The following RP1 variants were observed in gnomAD, a reference collection of about 807,000 sequenced individuals.
RP1 encodes oxygen-regulated protein 1.
A neutral mutation model predicts 14.8 loss-of-function variants in RP1; 16 were observed. The observed-to-expected ratio is 1.08, with a 90% CI of 0.73 to 1.65. RP1 has a LOEUF of 1.65. Ranked by LOEUF, RP1 falls within the 40% of genes most tolerant of loss-of-function variation. RP1 has a pLI of 0.00. For synonymous variants in RP1, 876 were observed against 883.6 expected (o/e 0.99, Z 0.15); for missense variants, 2,631 against 2,535.0 (o/e 1.04, Z -0.81).
At chr8:54,726,254 A>C (rs74889243) in intron 16 of RP1, 23,123 of 1,366,858 alleles carry the variant, frequency 0.017, 319 homozygotes, top group African/African-American at 0.066. Flanking sequence ...AATAGCAAAA[A>C]TTAAACTTGC....
At chr8:54,763,453 G>A (rs181741153) in intron 22 of RP1, among the ~76,000 whole-genome samples, 2 of 152,296 alleles carry the variant, frequency 1.3e-5, no homozygotes, top group East Asian at 3.9e-4. Flanking sequence ...TTTAAATGCA[G>A]AAATCAATCA....
intron 3 of RP1, among the ~76,000 whole-genome samples, chr8:54,639,628 A>C (rs957859110): frequency 2.3e-4 from 35 of 152,114 alleles, no homozygotes; most frequent in Non-Finnish European, 4.7e-4. Context: ...TTCTGCATTT[A>C]ATTTGCATTT....
intron 15 of RP1, among the ~76,000 whole-genome samples, chr8:54,717,029 G>A (rs370851977): frequency 5.3e-5 from 8 of 152,012 alleles, no homozygotes; most frequent in East Asian, 1.9e-4. Context: ...TTTCAGAATC[G>A]GATGCACCTC....
Position 54,627,772 on chromosome 8 carries a change from G to C in RP1, c.3890G>C (p.Cys1297Ser). ...GVDQTSMNKA[C>S]FLGEVCSLTD... ...GATCAGACTTCTATGAATAAGGCTT[G>C]TTTCCTAGGAGAGGTCTGTTCACTT... is the stretch of plus-strand genomic sequence containing the variant. The change falls in exon 4 of 4, where the codon TGT becomes TCT. Residue 1297 changes from cysteine (C) to serine (S), a missense_variant. Coordinates refer to ENST00000220676, the MANE Select transcript of RP1 (RefSeq NM_006269.2). 1 of 1,614,066 alleles carries C rather than the reference G, an allele frequency of 6.2e-7. No homozygotes were observed. Among genetic ancestry groups the C allele is most frequent in the Non-Finnish European group, 8.5e-7 (1 of 1,179,960 alleles).
downstream of RP1, among the ~76,000 whole-genome samples, chr8:54,635,725 A>C (rs1806333806): frequency 6.6e-6 from 1 of 152,108 alleles, no homozygotes; most frequent in Non-Finnish European, 1.5e-5. Flanking sequence ...TTGACCCAAA[A>C]CCCAACACAC....
intron 1 of RP1, among the ~76,000 whole-genome samples, chr8:54,590,695 C>A (rs1426898228): frequency 6.6e-6 from 1 of 152,142 alleles, no homozygotes; most frequent in East Asian, 1.9e-4. Context: ...GTCCCTCCCC[C>A]ACCATATTTA....
intron 24 of RP1, among the ~76,000 whole-genome samples, chr8:54,788,214 G>A (rs1810374313): frequency 6.6e-6 from 1 of 152,172 alleles, no homozygotes; most frequent in Admixed American, 6.5e-5. Context: ...GCAGGCTGGA[G>A]TAGGAGGAAG....
chr8:54,792,774 T>C (rs1286914160), intron 24 of RP1, among the ~76,000 whole-genome samples: 1 of 151,616 alleles, frequency 6.6e-6, no homozygotes, highest in Non-Finnish European at 1.5e-5. Flanking sequence ...ACTATACACT[T>C]CGAGGAATCA....
intron 1 of RP1, among the ~76,000 whole-genome samples, chr8:54,586,386 G>A (rs1156763241): frequency 6.6e-6 from 1 of 152,220 alleles, no homozygotes; most frequent in Non-Finnish European, 1.5e-5. Flanking sequence ...ACCAGGCCGT[G>A]TGAGGTGTCA....
At chr8:54,726,521 A>G in intron 17 of RP1, 2 of 1,500,214 alleles carry the variant, frequency 1.3e-6, no homozygotes, top group Non-Finnish European at 8.8e-7. Context: ...TGTTTGCTGC[A>G]TTATTTCTTC....
intron 25 of RP1, among the ~76,000 whole-genome samples, chr8:54,838,485 TTGAG>T (rs1386549025): frequency 1.3e-5 from 2 of 152,120 alleles, no homozygotes; most frequent in East Asian, 3.9e-4. Flanking sequence ...ATGCGAGTGT[TTGAG>T]TGTATGTGCA....
chr8:54,694,304 G>C (rs995689494), intron 12 of RP1, among the ~76,000 whole-genome samples: 2 of 152,110 alleles, frequency 1.3e-5, no homozygotes, highest in Non-Finnish European at 2.9e-5. Flanking sequence ...TCTCTGCCAG[G>C]CTTTGGTATC....
Position 54,627,574 on chromosome 8 carries a change from G to A in RP1, c.3692G>A (p.Gly1231Glu), listed in dbSNP as rs1187011145. The A allele has an allele frequency of 6.2e-7, 1 of 1,614,168 alleles. No individual in the cohort carries two copies. The highest frequency in any genetic ancestry group is 1.1e-5 in the South Asian group (1 of 91,076). ...TGCAGTGAAAATGAAAGAACACAAGGAATCTCCTCTTTGGATGGAGGTTGC... is the reference window on the plus strand; with the variant it reads ...TGCAGTGAAAATGAAAGAACACAAGAAATCTCCTCTTTGGATGGAGGTTGC... The part of the protein sequence containing the change: ...PKCSENERTQ[G>E]ISSLDGGCSA... Residue 1231 changes from glycine to glutamate, a missense_variant, in exon 4 of 4, where the codon GGA becomes GAA. Coordinates refer to ENST00000220676, the MANE Select transcript of RP1 (RefSeq NM_006269.2).
At chr8:54,644,692 T>C (rs1331683193) in intron 3 of RP1, among the ~76,000 whole-genome samples, 1 of 152,184 alleles carries the variant, frequency 6.6e-6, no homozygotes, top group Non-Finnish European at 1.5e-5. Context: ...TTACCAAATC[T>C]TTTTCAGTTT....
chr8:54,599,999 G>T (rs955342925), intron 1 of RP1, among the ~76,000 whole-genome samples: 1 of 152,096 alleles, frequency 6.6e-6, no homozygotes, highest in Non-Finnish European at 1.5e-5. Flanking sequence ...CTGAGGAGGG[G>T]TACACCTTAT....
chr8:54,770,048 A>G (rs1809863843), downstream of RP1: 1 of 446,190 alleles, frequency 2.2e-6, no homozygotes, highest in Admixed American at 3.9e-5. Context: ...AGTTAAACTC[A>G]CGTTTCTTCT....
At chr8:54,559,757 C>G (rs554368807) in intron 1 of RP1, among the ~76,000 whole-genome samples, 1 of 152,006 alleles carries the variant, frequency 6.6e-6, no homozygotes, top group African/African-American at 2.4e-5. Flanking sequence ...GGGTCACGTT[C>G]GGGCAGGACT....
At chr8:54,614,476 G>A (rs1347688132), upstream of RP1, among the ~76,000 whole-genome samples, 2 of 152,170 alleles carry the variant, frequency 1.3e-5, no homozygotes, top group South Asian at 2.1e-4. Flanking sequence ...GGCCTACTGA[G>A]TCAACCACTG....
At chr8:54,742,781 A>C (rs1809129383) in intron 19 of RP1, among the ~76,000 whole-genome samples, 1 of 152,214 alleles carries the variant, frequency 6.6e-6, no homozygotes, top group Admixed American at 6.5e-5. Flanking sequence ...CTTACCCATG[A>C]GTTAAGTGGG....
Sources: allele counts gnomAD v4.1 joint callset (sites outside exome capture counted in the v4.1 genomes callset), GRCh38; gene constraint gnomAD v4.1.1; transcripts MANE v1.5; gene names NCBI Gene and HGNC (gene_info 2026-07-23, HGNC 2026-07-21).